Variants in TENM4 observed in about 807,000 individuals in gnomAD.
The protein encoded by TENM4 is teneurin-4.
A neutral mutation model predicts 243.3 loss-of-function variants in TENM4; 82 were observed. That is an observed-to-expected ratio of 0.34 (90% confidence interval 0.28 to 0.40). The LOEUF (loss-of-function observed/expected upper bound fraction) is 0.40, where lower values mean the gene tolerates loss of function less well. Among genes scored for constraint, TENM4 ranks in the 10% least tolerant of loss-of-function variants. TENM4 has a pLI of 1.00. For missense variants in TENM4, 3,138 were observed against 3,673.3 expected (o/e 0.85, Z 3.77); for synonymous variants, 1,412 against 1,456.3 (o/e 0.97, Z 0.69).
intron 3 of TENM4, among the ~76,000 whole-genome samples, chr11:79,154,140 T>TA (rs34485787): frequency 0.5 from 74,874 of 150,538 alleles, 19,841 homozygotes; most frequent in African/African-American, 0.69. Context: ...GTTGGGTAAT[T>TA]AAAAAAAAAG....
Position 78,657,845 on chromosome 11 carries a change from A to G in TENM4, c.*213T>C. 1 of 682,368 alleles carries G rather than the reference A, an allele frequency of 1.5e-6. No homozygotes were observed. Among genetic ancestry groups the G allele is most frequent in the African/African-American group, 1.8e-5 (1 of 55,640 alleles). 42.3% of individuals were successfully genotyped at this position (682,368 alleles called of 1,614,324 possible). On this transcript the variant is annotated 3_prime_UTR_variant, in exon 34 of 34. Transcript: ENST00000278550. ...GTTTTCATTGTGATCACACTACAGA[A>G]AAAAATACCTTCTGTTCTTTGCAAA... is the stretch of plus-strand genomic sequence containing the variant.
intron 7 of TENM4, among the ~76,000 whole-genome samples, chr11:78,897,873 TC>T (rs35376078): frequency 6.6e-6 from 1 of 152,118 alleles, no homozygotes; most frequent in Non-Finnish European, 1.5e-5. Flanking sequence ...GCAGGGTTTT[TC>T]CCCAAATTCA....
At chr11:79,233,477 GA>G (rs1590813960) in intron 2 of TENM4, among the ~76,000 whole-genome samples, 2 of 152,344 alleles carry the variant, frequency 1.3e-5, no homozygotes, top group East Asian at 1.9e-4. Flanking sequence ...GGACTTGAGT[GA>G]GGATGGTAGA....
chr11:78,942,699 T>C (rs1200638662), intron 6 of TENM4, among the ~76,000 whole-genome samples: 2 of 152,068 alleles, frequency 1.3e-5, no homozygotes, highest in African/African-American at 4.8e-5. Context: ...AGGATGGTCT[T>C]GTTCTTGTGC....
intron 4 of TENM4, among the ~76,000 whole-genome samples, chr11:79,115,644 G>T (rs1457481278): frequency 6.6e-6 from 1 of 152,190 alleles, no homozygotes; most frequent in Admixed American, 6.5e-5. Context: ...ATCTGAATGA[G>T]GGTGAGGCTT....
intron 6 of TENM4, among the ~76,000 whole-genome samples, chr11:78,988,090 TAG>T (rs1166268249): frequency 1.3e-5 from 2 of 152,186 alleles, no homozygotes; most frequent in African/African-American, 4.8e-5. Context: ...ATTGTGGAAA[TAG>T]AGAGTTTGAC....
At chr11:79,425,836 G>C (rs1859037212) in intron 1 of TENM4, among the ~76,000 whole-genome samples, 1 of 152,166 alleles carries the variant, frequency 6.6e-6, no homozygotes, top group Non-Finnish European at 1.5e-5. Flanking sequence ...TTATTGAGGG[G>C]AAAGAACAGT....
chr11:79,229,316 A>G (rs1011154318), intron 2 of TENM4, among the ~76,000 whole-genome samples: 1 of 152,220 alleles, frequency 6.6e-6, no homozygotes, highest in African/African-American at 2.4e-5. Context: ...AAAAGCCCTC[A>G]TAGTCTATCC....
At chr11:79,429,537 C>CTTCTATT (rs1859123824) in intron 1 of TENM4, among the ~76,000 whole-genome samples, 1 of 151,566 alleles carries the variant, frequency 6.6e-6, no homozygotes, top group African/African-American at 2.4e-5. Flanking sequence ...GAGGTAGACA[C>CTTCTATT]TTCTATTTTC....
intron 2 of TENM4, among the ~76,000 whole-genome samples, chr11:79,251,107 G>A (rs776183302): frequency 2.9e-4 from 44 of 152,246 alleles, no homozygotes; most frequent in Middle Eastern, 3.4e-3. Flanking sequence ...AGAAGTATAT[G>A]AGACACAGGC....
intron 4 of TENM4, among the ~76,000 whole-genome samples, chr11:79,111,663 T>G (rs755244541): frequency 2.0e-5 from 3 of 152,188 alleles, no homozygotes; most frequent in Non-Finnish European, 4.4e-5. Context: ...GATATACTCC[T>G]TAATGGACCA....
chr11:79,089,388 C>T (rs1198188796), intron 4 of TENM4, among the ~76,000 whole-genome samples: 1 of 152,176 alleles, frequency 6.6e-6, no homozygotes, highest in African/African-American at 2.4e-5. Flanking sequence ...CAAGTCAGAG[C>T]CTGGTGCTAA....
intron 25 of TENM4, among the ~76,000 whole-genome samples, chr11:78,714,688 C>T (rs190662074): frequency 1.0e-3 from 156 of 151,986 alleles, no homozygotes; most frequent in Middle Eastern, 6.8e-3. Context: ...CATCCTCCCT[C>T]CCCTCCCATC....
intron 2 of TENM4, among the ~76,000 whole-genome samples, chr11:79,292,174 T>A (rs1856367814): frequency 6.6e-6 from 1 of 152,130 alleles, no homozygotes; most frequent in South Asian, 2.1e-4. Flanking sequence ...CTCCACATGA[T>A]GAAACAAGTC....
chr11:79,033,328 A>G (rs1411212016), intron 6 of TENM4, among the ~76,000 whole-genome samples: 1 of 152,120 alleles, frequency 6.6e-6, no homozygotes, highest in East Asian at 1.9e-4. Flanking sequence ...TGCACACCAG[A>G]GGAGAAATGG....
intron 29 of TENM4, 118 bp downstream of exon 29, chr11:78,687,936 T>A: frequency 8.2e-7 from 1 of 1,219,272 alleles, no homozygotes; most frequent in East Asian, 2.4e-5. Flanking sequence ...TACAGAGAGT[T>A]GCAATGCTTT....
chr11:78,849,453 G>A (rs1417293446), intron 12 of TENM4, among the ~76,000 whole-genome samples: 3 of 152,172 alleles, frequency 2.0e-5, no homozygotes, highest in East Asian at 1.9e-4. Context: ...CAAGCTTTCT[G>A]AGCCTTGATT....
chr11:78,981,591 C>T (rs1016713379), intron 6 of TENM4, among the ~76,000 whole-genome samples: 4 of 152,080 alleles, frequency 2.6e-5, no homozygotes, highest in East Asian at 1.9e-4. Context: ...GTTCCCTGGA[C>T]GGGGAATCAT....
chr11:79,158,467 C>T (rs1862669623), intron 3 of TENM4, among the ~76,000 whole-genome samples: 1 of 152,090 alleles, frequency 6.6e-6, no homozygotes, highest in Admixed American at 6.5e-5. Context: ...CAGGTCCTTA[C>T]CTGTAAATCA....
Sources: gnomAD v4.1 joint callset for allele counts (sites outside exome capture counted in the v4.1 genomes callset) on GRCh38, gnomAD v4.1.1 for gene constraint, MANE v1.5 for transcripts, NCBI Gene and HGNC (gene_info 2026-07-23, HGNC 2026-07-21) for gene names.